The following SLC22A13 variants were observed in gnomAD, a reference collection of about 807,000 sequenced individuals.
SLC22A13 encodes the protein solute carrier family 22 member 13.
SLC22A13 carries 42 observed loss-of-function variants against 49.1 expected under a neutral mutation model. That is an observed-to-expected ratio of 0.85 (90% CI 0.67 to 1.11). The LOEUF (loss-of-function observed/expected upper bound fraction) is 1.11, where lower values mean the gene tolerates loss of function less well. Ranked by LOEUF, SLC22A13 falls within the 50% of genes least tolerant of loss-of-function variation. The pLI is 0.00. For synonymous variants in SLC22A13, 282 were observed against 293.1 expected, an observed-to-expected ratio of 0.96 and a Z score of 0.39; for missense variants, 694 against 712.8, an observed-to-expected ratio of 0.97 and a Z score of 0.30.
intron 1 of SLC22A13, among the ~76,000 whole-genome samples, chr3:38,266,938 G>T (rs1174771399): frequency 6.6e-6 from 1 of 152,200 alleles, no homozygotes; most frequent in African/African-American, 2.4e-5. Context: ...TGGGGTTGAG[G>T]CACAGAATGA....
chr3:38,276,127 GC>G, intron 7 of SLC22A13, 31 bp downstream of exon 7: 1 of 1,586,060 alleles, frequency 6.3e-7, no homozygotes, highest in Non-Finnish European at 8.6e-7. Flanking sequence ...TCACCCGCAT[GC>G]CCCCTCACCC....
In SLC22A13 at chr3:38,277,732, T is replaced by C; in HGVS notation, c.*267T>C. ...TCTGTCTGGGTTAGGATCTTGGGTA[T>C]GTCTTGGAATTAACTTGTCCTCTAA... On this transcript the variant is annotated 3_prime_UTR_variant, in exon 10 of 10. Coordinates refer to ENST00000311856, the MANE Select transcript of SLC22A13 (RefSeq NM_004256.4). 1 of 343,374 alleles carries C rather than the reference T, an allele frequency of 2.9e-6. No individual in the cohort carries two copies. Among genetic ancestry groups the C allele is most frequent in the Non-Finnish European group, 5.3e-6 (1 of 187,070 alleles). The allele number at this position is 343,374 out of a possible 1,614,324, so 21.3% of individuals were successfully genotyped here.
In SLC22A13 at chr3:38,274,623, A is replaced by G. The variant is rs750028531; in HGVS notation, c.502A>G (p.Ile168Val). 33 of 1,613,800 alleles carry G rather than the reference A, an allele frequency of 2.0e-5. No homozygotes were observed. Among genetic ancestry groups the G allele is most frequent in the Non-Finnish European group, 2.4e-5 (28 of 1,179,982 alleles). The change falls in exon 3 of 10, where the codon ATC (isoleucine) becomes GTC (valine). Residue 168 changes from isoleucine (I) to valine (V), a missense_variant. Ile to Val is a conservative substitution (Grantham distance 29, BLOSUM62 3). Transcript: ENST00000311856. ...LCDRIGRKAT[I>V]LAQLLLFTLI... ...CCTCAGGATTGGCCGCAAGGCCACA[A>G]TCCTGGCGCAGCTGCTCCTCTTCAC...
chr3:38,277,327 G>A, intron 9 of SLC22A13, 45 bp from the exon 10 acceptor site: 1 of 1,462,196 alleles, frequency 6.8e-7, no homozygotes, highest in Non-Finnish European at 9.5e-7. Context: ...CACTGTCATG[G>A]GACCAATTCC....
Position 38,275,947 on chromosome 3 carries a change from A to G in SLC22A13, c.1088A>G (p.Tyr363Cys), listed in dbSNP as rs148088459. ...LQVGDFGLDV[Y>C]LTQLIFGAVE... ...GTGGGGGACTTCGGCCTGGACGTCT[A>G]TCTGACGCAGCTCATCTTTGGAGCT... Residue 363 changes from tyrosine to cysteine, a missense_variant, in exon 7 of 10, where the codon TAT becomes TGT. Physicochemically the swap from Tyr to Cys is radical, Grantham distance 194. Transcript: ENST00000311856. The G allele has an allele frequency of 9.3e-6, 15 of 1,614,220 alleles. No homozygotes were observed. The highest frequency in any genetic ancestry group is 4.4e-5 in the South Asian group (4 of 91,088).
At chr3:38,268,175 C>T (rs902794032) in intron 1 of SLC22A13, among the ~76,000 whole-genome samples, 11 of 152,230 alleles carry the variant, frequency 7.2e-5, no homozygotes, top group Admixed American at 3.3e-4. Flanking sequence ...CAAAATAAGC[C>T]GATAACATCC....
chr3:38,274,227 C>T (rs1346516994), intron 1 of SLC22A13, 45 bp from the exon 2 acceptor site: 2 of 1,428,348 alleles, frequency 1.4e-6, no homozygotes, highest in Non-Finnish European at 2.0e-6. Context: ...TAGGGCTTGC[C>T]CTCCTTGCAG....
chr3:38,275,578 C>G lies in SLC22A13; in HGVS notation c.928C>G (p.Leu310Val), dbSNP rs760454036. Residue 310 changes from leucine to valine, a missense_variant and splice_region_variant, in exon 6 of 10, where the codon CTG becomes GTG. Physicochemically the swap from Leu to Val is conservative, Grantham distance 32 (BLOSUM62 1). Coordinates refer to ENST00000311856, the MANE Select transcript of SLC22A13 (RefSeq NM_004256.4). ...RKLSPELMNQLVPEKTGPSGN... is the reference protein window; with the variant it reads ...RKLSPELMNQVVPEKTGPSGN... ...TTCTCACTCTGCTTCTTCCTCCCAG[C>G]TGGTCCCAGAGAAGACAGGCCCCTC... 6.8e-6 allele frequency: 11 copies of G among 1,613,954 alleles called. No homozygotes were observed. The highest frequency in any genetic ancestry group is 9.3e-6 in the Non-Finnish European group (11 of 1,179,932).
At chr3:38,269,403 A>G in intron 1 of SLC22A13, among the ~76,000 whole-genome samples, 1 of 152,070 alleles carries the variant, frequency 6.6e-6, no homozygotes, top group African/African-American at 2.4e-5. Context: ...GACTACAGGC[A>G]TGCACCACCA....
chr3:38,276,885 A>C (rs370604067), intron 8 of SLC22A13, 27 bp from the exon 9 acceptor site: 62 of 1,603,424 alleles, frequency 3.9e-5, no homozygotes, highest in Non-Finnish European at 5.3e-5. Flanking sequence ...GCCCAGGTCT[A>C]CTTAGCTTGC....
rs748651287 is a variant in SLC22A13, at chr3:38,276,307, A to G, written c.1258A>G (p.Met420Val). 1.9e-6 allele frequency: 3 copies of G among 1,613,484 alleles called. No individual in the cohort carries two copies. Among genetic ancestry groups the G allele is most frequent in the Admixed American group, 3.3e-5 (2 of 59,968 alleles). ...IPADLPVVVT[M>V]LAVVGKMATA... ...GCCAGATCTGCCCGTGGTGGTCACCATGCTGGCTGTGGTGGGGAAGATGGC... is the reference window on the plus strand; with the variant it reads ...GCCAGATCTGCCCGTGGTGGTCACCGTGCTGGCTGTGGTGGGGAAGATGGC... The change falls in exon 8 of 10, where the codon ATG becomes GTG. Residue 420 changes from methionine (M) to valine (V), a missense_variant. Coordinates refer to ENST00000311856, the MANE Select transcript of SLC22A13 (RefSeq NM_004256.4).
At chr3:38,276,256 C>T in intron 7 of SLC22A13, 31 bp from the exon 8 acceptor site, 1 of 1,576,450 alleles carries the variant, frequency 6.3e-7, no homozygotes, top group East Asian at 2.2e-5. Context: ...GCGTCAGGGC[C>T]CAGGTGATGG....
chr3:38,271,534 C>A (rs974983776), intron 1 of SLC22A13, among the ~76,000 whole-genome samples: 2 of 130,000 alleles, frequency 1.5e-5, no homozygotes, highest in Non-Finnish European at 3.1e-5. Flanking sequence ...CCTGGGGAGA[C>A]GCTTTCTCAA....
rs1703602122 is a variant in SLC22A13 at position 38,277,516 on chromosome 3, C to T, written c.*51C>T. The T allele has an allele frequency of 7.2e-7, 1 of 1,391,870 alleles. No individual in the cohort carries two copies. 86.2% of individuals were successfully genotyped at this position (1,391,870 alleles called of 1,614,324 possible). On this transcript the variant is annotated 3_prime_UTR_variant, in exon 10 of 10. Transcript: ENST00000311856. Reference sequence around the variant, plus strand: ...CAGCAGCAGGGAGCTGCCTAAACACCTCCTTGGATATGGCCAGGACCCACA... The same window carrying T: ...CAGCAGCAGGGAGCTGCCTAAACACTTCCTTGGATATGGCCAGGACCCACA...
intron 9 of SLC22A13, 116 bp downstream of exon 9, chr3:38,277,243 G>T: frequency 9.1e-7 from 1 of 1,104,716 alleles, no homozygotes; most frequent in East Asian, 2.5e-5. Context: ...CTAATATGGG[G>T]TCCTCCAGAA....
In SLC22A13 at chr3:38,277,587, C is replaced by A; in HGVS notation, c.*122C>A. On this transcript the variant is annotated 3_prime_UTR_variant, in exon 10 of 10. Transcript: ENST00000311856. ...CCTTGCTTATGGAGGCAGGACACCA[C>A]AATCTGGCCCATGGCTGTCACCTCC... 1.5e-6 allele frequency: 1 copy of A among 663,690 alleles called. No individual in the cohort carries two copies. Among genetic ancestry groups the A allele is most frequent in the Non-Finnish European group, 2.6e-6 (1 of 385,520 alleles). The allele number at this position is 663,690 out of a possible 1,614,324, so 41.1% of individuals were successfully genotyped here.
At chr3:38,266,354 A>G (rs1027367906) in intron 1 of SLC22A13, 116 bp downstream of exon 1, 2 of 1,166,556 alleles carry the variant, frequency 1.7e-6, no homozygotes, top group African/African-American at 1.5e-5. Flanking sequence ...ATGGTCAACC[A>G]TGGGCACATA....
chr3:38,276,237 A>T (rs762268223), intron 7 of SLC22A13, 50 bp from the exon 8 acceptor site: 1 of 1,533,100 alleles, frequency 6.5e-7, no homozygotes, highest in Non-Finnish European at 9.0e-7. Context: ...GTTCCAGTGG[A>T]TGGGACCGGC....
At chr3:38,276,473 T>C in intron 8 of SLC22A13, 78 bp downstream of exon 8, 1 of 1,006,996 alleles carries the variant, frequency 9.9e-7, no homozygotes, top group East Asian at 2.4e-5. Flanking sequence ...CCTCACCCCA[T>C]TCCACAAATA....
Sources: allele counts gnomAD v4.1 joint callset (sites outside exome capture counted in the v4.1 genomes callset), GRCh38; gene constraint gnomAD v4.1.1; transcripts MANE v1.5; gene names NCBI Gene and HGNC (gene_info 2026-07-23, HGNC 2026-07-21).